Variants in RAB3C observed in about 807,000 individuals in gnomAD.
RAB3C encodes ras-related protein Rab-3C.
In RAB3C, 17 loss-of-function variants were observed where a neutral mutation model predicts 26.4. The observed-to-expected ratio is 0.64, with a 90% CI of 0.44 to 0.97. RAB3C has a LOEUF of 0.97. Ranked by LOEUF, RAB3C falls within the 50% of genes least tolerant of loss-of-function variation. The pLI is 0.00. For missense variants in RAB3C, 242 were observed against 281.9 expected (o/e 0.86, Z 1.01); for synonymous variants, 91 against 95.9 (o/e 0.95, Z 0.30).
intron 1 of RAB3C, among the ~76,000 whole-genome samples, chr5:58,601,010 G>A (rs967124874): frequency 3.3e-5 from 5 of 152,096 alleles, no homozygotes; most frequent in African/African-American, 1.2e-4. Flanking sequence ...TTACATTGAG[G>A]GATGTCCCTT....
At chr5:58,601,238 C>T (rs1322847292) in intron 1 of RAB3C, among the ~76,000 whole-genome samples, 1 of 151,944 alleles carries the variant, frequency 6.6e-6, no homozygotes, top group Non-Finnish European at 1.5e-5. Flanking sequence ...TTGTTGGATT[C>T]GGTTAGCTAG....
chr5:58,735,271 G>T (rs1318281016), intron 3 of RAB3C, among the ~76,000 whole-genome samples: 1 of 152,176 alleles, frequency 6.6e-6, no homozygotes, highest in Non-Finnish European at 1.5e-5. Context: ...TTCAGCCTTA[G>T]CTGGAACATG....
chr5:58,821,057 A>T (rs1743329307), intron 3 of RAB3C, among the ~76,000 whole-genome samples: 1 of 152,198 alleles, frequency 6.6e-6, no homozygotes, highest in South Asian at 2.1e-4. Flanking sequence ...GGGTTTATAC[A>T]GTCAGGGGTG....
chr5:58,633,680 A>T (rs158978), intron 2 of RAB3C, among the ~76,000 whole-genome samples: 113,707 of 152,026 alleles, frequency 0.75, 43,739 homozygotes, highest in East Asian at 0.92. Flanking sequence ...TGGGCTCCTA[A>T]GGGTTATGGG....
intron 3 of RAB3C, among the ~76,000 whole-genome samples, chr5:58,803,519 G>C (rs13357616): frequency 6.6e-6 from 1 of 152,054 alleles, no homozygotes; most frequent in Non-Finnish European, 1.5e-5. Flanking sequence ...CTCTATGTCT[G>C]TAAAAATAAA....
At chr5:58,844,341 A>T (rs769689118) in intron 4 of RAB3C, among the ~76,000 whole-genome samples, 6 of 152,230 alleles carry the variant, frequency 3.9e-5, no homozygotes, top group Non-Finnish European at 7.3e-5. Flanking sequence ...CTGGCTAAAG[A>T]CACAGACTCA....
chr5:58,618,089 TC>T (rs1233364168), intron 2 of RAB3C, among the ~76,000 whole-genome samples: 1 of 149,748 alleles, frequency 6.7e-6, no homozygotes, highest in East Asian at 2.0e-4. Context: ...CATGTGGTGC[TC>T]CTTAAGAGTC....
chr5:58,748,008 G>C (rs1300151635), intron 3 of RAB3C, among the ~76,000 whole-genome samples: 2 of 152,048 alleles, frequency 1.3e-5, no homozygotes, highest in African/African-American at 2.4e-5. Flanking sequence ...GCCATGAAGA[G>C]ATCTGCTGTA....
chr5:58,850,307 C>G (rs1561152293), intron 4 of RAB3C, among the ~76,000 whole-genome samples: 1 of 152,182 alleles, frequency 6.6e-6, no homozygotes, highest in African/African-American at 2.4e-5. Flanking sequence ...ACCAAGTGCC[C>G]TTTCCCAGAT....
chr5:58,803,358 T>C (rs1038017130), intron 3 of RAB3C, among the ~76,000 whole-genome samples: 1 of 152,220 alleles, frequency 6.6e-6, no homozygotes, highest in African/African-American at 2.4e-5. Flanking sequence ...TTAAAAATGC[T>C]TTTTTATTTT....
At chr5:58,699,260 C>CTGCAGAACAGCAAATAT (rs369392410) in intron 2 of RAB3C, among the ~76,000 whole-genome samples, 6 of 151,752 alleles carry the variant, frequency 4.0e-5, no homozygotes, top group East Asian at 3.9e-4. Context: ...TCAGCAGAGG[C>CTGCAGAACAGCAAATAT]TGCAGAACAG....
Position 58,663,182 on chromosome 5 carries a change from C to T in RAB3C, c.252+45312C>T, listed in dbSNP as rs572730898. ...AGTGAAGAATCCAGGCATTCCTTCG[C>T]TTCTTTTTTTTTTCAAATTAAAAAG... is the stretch of plus-strand genomic sequence containing the variant. On this transcript the variant is annotated intron_variant, in intron 2 of 4. Coordinates refer to ENST00000282878, the MANE Select transcript of RAB3C (RefSeq NM_138453.4). Among the ~76,000 whole-genome samples, 122 of 149,068 alleles carry T rather than the reference C, an allele frequency of 8.2e-4. 2 individuals carry two copies. The highest frequency in any genetic ancestry group is 1.7e-3 in the Admixed American group (25 of 15,090).
intron 2 of RAB3C, among the ~76,000 whole-genome samples, chr5:58,662,009 G>A (rs1034875227): frequency 1.3e-5 from 2 of 149,984 alleles, no homozygotes; most frequent in African/African-American, 5.1e-5. Flanking sequence ...CCACATCCCA[G>A]GTCCTTATTT....
At chr5:58,756,257 C>G (rs929327987) in intron 3 of RAB3C, among the ~76,000 whole-genome samples, 2 of 148,308 alleles carry the variant, frequency 1.3e-5, no homozygotes, top group African/African-American at 4.9e-5. Flanking sequence ...TGGCCCTTTA[C>G]GCCAAACATC....
At chr5:58,707,058 A>G (rs1748956166) in intron 2 of RAB3C, among the ~76,000 whole-genome samples, 1 of 152,120 alleles carries the variant, frequency 6.6e-6, no homozygotes. Context: ...TTTAAAGCTC[A>G]TTGTTTTTTG....
rs537793507 is a variant in RAB3C, at chr5:58,728,186, T to C, written c.371+2066T>C. ...TGATTTATTAGGGTTTTTTAATTCATTCAACAAGCACTTATTGAGCACCTA... is the reference window on the plus strand; with the variant it reads ...TGATTTATTAGGGTTTTTTAATTCACTCAACAAGCACTTATTGAGCACCTA... On this transcript the variant is annotated intron_variant, in intron 3 of 4. Coordinates refer to ENST00000282878, the MANE Select transcript of RAB3C (RefSeq NM_138453.4). 3.5e-4 allele frequency among the ~76,000 whole-genome samples: 54 copies of C among 152,172 alleles called. 1 individual carries two copies. The highest frequency in any genetic ancestry group is 1.3e-3 in the African/African-American group (54 of 41,542).
chr5:58,830,092 T>C (rs1380440396), intron 4 of RAB3C, among the ~76,000 whole-genome samples: 2 of 152,156 alleles, frequency 1.3e-5, no homozygotes, highest in African/African-American at 4.8e-5. Flanking sequence ...ACTTCTCTTT[T>C]TGGAAAATGA....
intron 2 of RAB3C, among the ~76,000 whole-genome samples, chr5:58,689,034 C>T (rs565878031): frequency 4.1e-4 from 62 of 152,196 alleles, no homozygotes; most frequent in African/African-American, 1.3e-3. Context: ...AGTTTATTCT[C>T]ATTTAATCCC....
intron 3 of RAB3C, among the ~76,000 whole-genome samples, chr5:58,794,891 G>A (rs1742609667): frequency 6.6e-6 from 1 of 152,320 alleles, no homozygotes; most frequent in South Asian, 2.1e-4. Flanking sequence ...AGGTTCTGTG[G>A]AGCCCAGGAA....
Sources: allele counts gnomAD v4.1 joint callset (sites outside exome capture counted in the v4.1 genomes callset), GRCh38; gene constraint gnomAD v4.1.1; transcripts MANE v1.5; gene names NCBI Gene and HGNC (gene_info 2026-07-23, HGNC 2026-07-21).